Variants in GPC5 observed in about 807,000 individuals in gnomAD.
GPC5 encodes the protein glypican-5.
Under a neutral mutation model 53.9 loss-of-function variants are expected in GPC5, and 47 were observed. That is an observed-to-expected ratio of 0.87 (90% CI 0.69 to 1.11). GPC5 has a LOEUF of 1.11. GPC5 is among the 50% of genes most tolerant of loss of function. The pLI, the probability that GPC5 is intolerant of heterozygous loss-of-function variation, is 0.00. For synonymous variants in GPC5, 286 were observed against 263.3 expected (o/e 1.09, Z -0.84); for missense variants, 748 against 713.1 (o/e 1.05, Z -0.56).
chr13:92,001,181 G>C (rs1229339437), intron 6 of GPC5, among the ~76,000 whole-genome samples: 4 of 152,208 alleles, frequency 2.6e-5, no homozygotes, highest in African/African-American at 9.6e-5. Context: ...GTACTATTTT[G>C]TGAGTTATAG....
At chr13:91,800,634 T>C (rs780212364) in intron 5 of GPC5, among the ~76,000 whole-genome samples, 2 of 152,140 alleles carry the variant, frequency 1.3e-5, no homozygotes, top group Non-Finnish European at 2.9e-5. Flanking sequence ...TTAATCTCTT[T>C]TGTTAATAGA....
intron 6 of GPC5, among the ~76,000 whole-genome samples, chr13:92,063,869 C>A (rs1009488934): frequency 3.9e-5 from 6 of 151,998 alleles, no homozygotes; most frequent in Non-Finnish European, 8.8e-5. Flanking sequence ...TAATAAATTG[C>A]TTGAAATAAA....
chr13:91,966,382 A>G (rs1322793873), intron 6 of GPC5, among the ~76,000 whole-genome samples: 1 of 152,208 alleles, frequency 6.6e-6, no homozygotes, highest in Non-Finnish European at 1.5e-5. Context: ...GGTTTTATCA[A>G]GAGACTTGGA....
chr13:92,144,945 G>T lies in GPC5; in HGVS notation c.1517G>T (p.Gly506Val), dbSNP rs1038806269. Residue 506 changes from glycine (G) to valine (V), a missense_variant, in exon 7 of 8, where the codon GGA (glycine) becomes GTA (valine). Physicochemically the swap from Gly to Val is moderately radical, Grantham distance 109. Coordinates refer to ENST00000377067, the MANE Select transcript of GPC5 (RefSeq NM_004466.6). ...TGTGATGATGAAGATGGTTGCGGGG[G>T]ATCAGGAAGTGGAGAAGTCAAGAGG... is the stretch of plus-strand genomic sequence containing the variant. ...GDCDDEDGCG[G>V]SGSGEVKRTL... 3 of 1,578,386 alleles carry T rather than the reference G, an allele frequency of 1.9e-6. No homozygotes were observed. The highest frequency in any genetic ancestry group is 1.4e-5 in the African/African-American group (1 of 72,668).
At chr13:91,408,889 C>T (rs1877519081) in intron 1 of GPC5, among the ~76,000 whole-genome samples, 1 of 152,064 alleles carries the variant, frequency 6.6e-6, no homozygotes, top group African/African-American at 2.4e-5. Context: ...TTTACAGTTT[C>T]AAGAGAATCT....
intron 6 of GPC5, among the ~76,000 whole-genome samples, chr13:91,987,127 C>T (rs1451479599): frequency 6.6e-6 from 1 of 152,152 alleles, no homozygotes. Context: ...AATGTGTTTC[C>T]TTAAACAACT....
chr13:92,202,968 C>G (rs2139063024), intron 7 of GPC5, among the ~76,000 whole-genome samples: 1 of 152,118 alleles, frequency 6.6e-6, no homozygotes, highest in East Asian at 1.9e-4. Flanking sequence ...AATATTAGAA[C>G]TAGAAGAAAA....
intron 1 of GPC5, among the ~76,000 whole-genome samples, chr13:91,415,071 G>A (rs1413992487): frequency 6.6e-6 from 1 of 152,118 alleles, no homozygotes; most frequent in Admixed American, 6.5e-5. Flanking sequence ...TTGCCTCCCT[G>A]TTGCTGGAGA....
intron 5 of GPC5, among the ~76,000 whole-genome samples, chr13:91,834,752 G>A (rs1201474643): frequency 6.6e-6 from 1 of 151,990 alleles, no homozygotes; most frequent in Non-Finnish European, 1.5e-5. Flanking sequence ...AACTCAAGAT[G>A]GATTAAAGAC....
At chr13:92,758,037 G>A (rs951899634) in intron 7 of GPC5, among the ~76,000 whole-genome samples, 1 of 150,794 alleles carries the variant, frequency 6.6e-6, no homozygotes, top group African/African-American at 2.5e-5. Context: ...GCACACGTAT[G>A]TTTATTGTGG....
At chr13:92,394,687 C>T (rs1875179486) in intron 7 of GPC5, among the ~76,000 whole-genome samples, 1 of 152,150 alleles carries the variant, frequency 6.6e-6, no homozygotes, top group African/African-American at 2.4e-5. Context: ...CTTCAAAATA[C>T]TTCATGTCAT....
chr13:91,852,093 T>A (rs935517218), intron 5 of GPC5, among the ~76,000 whole-genome samples: 5 of 151,990 alleles, frequency 3.3e-5, no homozygotes. Context: ...TCCACAATGG[T>A]TGAACTAGTT....
intron 5 of GPC5, among the ~76,000 whole-genome samples, chr13:91,897,716 G>T (rs928773475): frequency 2.0e-5 from 3 of 152,010 alleles, no homozygotes; most frequent in Non-Finnish European, 4.4e-5. Flanking sequence ...ATTAAATGTA[G>T]GTTCAATAAA....
rs1331658787 is a variant in GPC5, at chr13:92,595,567, G to C, written c.1562-270715G>C. Reference sequence around the variant, plus strand: ...GCGGATCACGAGGTCAGGAGATCGAGACCATCCTGGCTAACACGGTGAAAC... The same window carrying C: ...GCGGATCACGAGGTCAGGAGATCGACACCATCCTGGCTAACACGGTGAAAC... On this transcript the variant is annotated intron_variant, in intron 7 of 7. Coordinates refer to ENST00000377067, the MANE Select transcript of GPC5 (RefSeq NM_004466.6). 3.3e-5 allele frequency among the ~76,000 whole-genome samples: 5 copies of C among 151,848 alleles called. No homozygotes were observed. In the South Asian group the frequency reaches 1.0e-3, roughly 32 times the overall value.
chr13:91,618,958 TTATA>T (rs2033776260), intron 2 of GPC5, among the ~76,000 whole-genome samples: 3 of 152,078 alleles, frequency 2.0e-5, no homozygotes, highest in East Asian at 1.9e-4. Flanking sequence ...TATACACTAT[TTATA>T]CTACTACTAT....
chr13:91,734,817 G>A (rs938982578), intron 4 of GPC5, among the ~76,000 whole-genome samples: 3 of 151,066 alleles, frequency 2.0e-5, no homozygotes, highest in Non-Finnish European at 4.4e-5. Context: ...TCATGGATGA[G>A]TTATTTTCTT....
At chr13:91,976,474 G>A (rs1037206675) in intron 6 of GPC5, among the ~76,000 whole-genome samples, 20 of 152,084 alleles carry the variant, frequency 1.3e-4, no homozygotes, top group African/African-American at 3.6e-4. Context: ...CCTCAAATCC[G>A]TCTCTCTGAT....
intron 6 of GPC5, among the ~76,000 whole-genome samples, chr13:92,012,272 C>G (rs1371828195): frequency 6.6e-6 from 1 of 151,804 alleles, no homozygotes; most frequent in Non-Finnish European, 1.5e-5. Context: ...TTCTTTTTGC[C>G]TTTTCTCTAC....
intron 7 of GPC5, among the ~76,000 whole-genome samples, chr13:92,477,411 C>T (rs1450069207): frequency 1.3e-5 from 2 of 151,816 alleles, no homozygotes; most frequent in African/African-American, 4.8e-5. Context: ...TTTGGAAGAA[C>T]CCAGGCATGT....
Sources: gnomAD v4.1 joint callset for allele counts (sites outside exome capture counted in the v4.1 genomes callset) on GRCh38, gnomAD v4.1.1 for gene constraint, MANE v1.5 for transcripts, NCBI Gene and HGNC (gene_info 2026-07-23, HGNC 2026-07-21) for gene names.